LAMA4: variants seen among roughly 807,000 people sequenced by gnomAD.
The protein encoded by LAMA4 is laminin subunit alpha 4.
Under a neutral mutation model 207.1 loss-of-function variants are expected in LAMA4, and 127 were observed. The observed-to-expected ratio is 0.61, with a 90% CI of 0.53 to 0.71. The LOEUF (loss-of-function observed/expected upper bound fraction) is 0.71, where lower values mean the gene tolerates loss of function less well. Ranked by LOEUF, LAMA4 falls within the 30% of genes least tolerant of loss-of-function variation. The probability of loss-of-function intolerance (pLI) is 0.00; values close to 1 mark genes in which losing one functional copy is unlikely to be tolerated. For synonymous variants in LAMA4, 761 were observed against 816.0 expected, an observed-to-expected ratio of 0.93 and a Z score of 1.15; for missense variants, 2,093 against 2,246.5, an observed-to-expected ratio of 0.93 and a Z score of 1.38.
At position 112,115,959 on chromosome 6, in the gene LAMA4, A is replaced by T. The variant is rs148517180; in HGVS notation, c.5016T>A (p.Ile1672=). The T allele has an allele frequency of 3.9e-4, 627 of 1,613,458 alleles. 2 individuals are homozygous for T. In the African/African-American group the frequency reaches 7.4e-3, roughly 19 times the overall value. ...TGCTTCTGGGACGGACTTCAAATGC[A>T]ATTTCAAACTTCAATCCAATATTGA... ...ESFNIGLKFE[I]AFEVRPRSSS... Residue 1672 remains isoleucine, a synonymous_variant, in exon 36 of 39, where the codon ATT becomes ATA. Transcript: ENST00000230538.
At chr6:112,141,110 A>G (rs1303684870) in intron 21 of LAMA4, among the ~76,000 whole-genome samples, 188 bp from the exon 22 acceptor site, 2 of 152,236 alleles carry the variant, frequency 1.3e-5, no homozygotes, top group Non-Finnish European at 2.9e-5. Flanking sequence ...TCATGGATTG[A>G]CCAGGTAAAA....
intron 36 of LAMA4, among the ~76,000 whole-genome samples, chr6:112,115,317 TGTTAA>T (rs1554323251): frequency 7.3e-6 from 1 of 137,890 alleles, no homozygotes; most frequent in Non-Finnish European, 1.5e-5. Flanking sequence ...AAATCTGTTA[TGTTAA>T]GTTAGCAGCA....
Position 112,139,241 on chromosome 6 carries a change from C to G in LAMA4, c.3161G>C (p.Gly1054Ala). 6.2e-7 allele frequency: 1 copy of G among 1,614,172 alleles called. No individual in the cohort carries two copies. The highest frequency in any genetic ancestry group is 1.1e-5 in the South Asian group (1 of 91,084). The change falls in exon 24 of 39, where the codon GGC (glycine) becomes GCC (alanine). Residue 1054 changes from glycine (G) to alanine (A), a missense_variant. Coordinates refer to ENST00000230538, the MANE Select transcript of LAMA4 (RefSeq NM_001105206.3). ...QSRAASYFFDGSGYAVVRDIT... is the reference protein window; with the variant it reads ...QSRAASYFFDASGYAVVRDIT... ...GTCTCTCACCACGGCATAACCGGAG[C>G]CATCGAAGAAGTAACTGGCAGCCCG...
intron 10 of LAMA4, among the ~76,000 whole-genome samples, chr6:112,175,902 G>A (rs1781997870): frequency 6.6e-6 from 1 of 152,168 alleles, no homozygotes; most frequent in South Asian, 2.1e-4. Flanking sequence ...AAAATGCTCA[G>A]AGATCACTCC....
intron 14 of LAMA4, among the ~76,000 whole-genome samples, chr6:112,157,180 G>A (rs1780769310): frequency 6.6e-6 from 1 of 151,974 alleles, no homozygotes; most frequent in Non-Finnish European, 1.5e-5. Context: ...TCTGGGGAAG[G>A]CAGACAAGAA....
intron 10 of LAMA4, 140 bp downstream of exon 10, chr6:112,177,981 A>G: frequency 2.9e-6 from 2 of 682,004 alleles, no homozygotes; most frequent in Non-Finnish European, 5.3e-6. Flanking sequence ...TGAAGACCTT[A>G]TACAAGTTTA....
intron 13 of LAMA4, chr6:112,162,145 AG>A (rs1781090360): frequency 6.6e-6 from 1 of 152,312 alleles, no homozygotes; most frequent in Non-Finnish European, 1.5e-5. Context: ...TGGACCAAAG[AG>A]CAGCAGTAGA....
At chr6:112,132,661 A>G in intron 28 of LAMA4, 92 bp downstream of exon 28, 1 of 1,225,998 alleles carries the variant, frequency 8.2e-7, no homozygotes, top group Non-Finnish European at 1.2e-6. Flanking sequence ...TAATCTGAAT[A>G]GAAAATCACT....
At chr6:112,138,697 T>C (rs1407157938) in intron 24 of LAMA4, among the ~76,000 whole-genome samples, 1 of 152,182 alleles carries the variant, frequency 6.6e-6, no homozygotes, top group Non-Finnish European at 1.5e-5. Flanking sequence ...ACATGTATCA[T>C]TTATAAACAA....
intron 22 of LAMA4, among the ~76,000 whole-genome samples, chr6:112,140,123 G>A (rs1175243276): frequency 2.6e-5 from 4 of 152,210 alleles, no homozygotes; most frequent in African/African-American, 9.6e-5. Flanking sequence ...GTCATAGGCT[G>A]TACAGTGAAT....
chr6:112,127,547 T>C (rs1051678259), intron 31 of LAMA4, among the ~76,000 whole-genome samples: 1 of 152,002 alleles, frequency 6.6e-6, no homozygotes, highest in Admixed American at 6.6e-5. Context: ...TAGGAGGAGA[T>C]GAACTCAGGG....
At chr6:112,216,021 C>T (rs965276727) in intron 3 of LAMA4, among the ~76,000 whole-genome samples, 1 of 152,208 alleles carries the variant, frequency 6.6e-6, no homozygotes, top group Non-Finnish European at 1.5e-5. Flanking sequence ...CGAAGCCAAA[C>T]ATATGGCAAA....
At chr6:112,233,589 A>C (rs1435943048) in intron 2 of LAMA4, among the ~76,000 whole-genome samples, 1 of 152,218 alleles carries the variant, frequency 6.6e-6, no homozygotes, top group Non-Finnish European at 1.5e-5. Flanking sequence ...GAAGAGCAAG[A>C]GATTACTTTT....
chr6:112,164,347 T>C (rs568310554), intron 13 of LAMA4, among the ~76,000 whole-genome samples: 22 of 151,994 alleles, frequency 1.4e-4, no homozygotes, highest in Admixed American at 3.9e-4. Flanking sequence ...AGATAGGAGA[T>C]GGTGCTCTGG....
intron 19 of LAMA4, among the ~76,000 whole-genome samples, chr6:112,143,765 G>A (rs966521263): frequency 6.6e-6 from 1 of 150,436 alleles, no homozygotes; most frequent in Non-Finnish European, 1.5e-5. Context: ...GGTGATTAAG[G>A]TCCCAAAGTC....
intron 5 of LAMA4, among the ~76,000 whole-genome samples, chr6:112,198,350 T>A (rs1382542489): frequency 3.3e-5 from 5 of 152,196 alleles, no homozygotes; most frequent in Non-Finnish European, 7.3e-5. Context: ...ATTACCTTTG[T>A]TTAAAACAGA....
At chr6:112,227,175 A>G (rs1251465585) in intron 2 of LAMA4, among the ~76,000 whole-genome samples, 5 of 152,044 alleles carry the variant, frequency 3.3e-5, no homozygotes, top group Admixed American at 6.6e-5. Context: ...AGATTCAAGC[A>G]ATTGTCTGTC....
intron 2 of LAMA4, among the ~76,000 whole-genome samples, chr6:112,224,019 T>C (rs541055725): frequency 4.6e-4 from 70 of 152,308 alleles, no homozygotes; most frequent in African/African-American, 1.6e-3. Flanking sequence ...CTTTTCACTA[T>C]AGGAAAGAGA....
rs111587919 is a variant in LAMA4, at chr6:112,142,242, C to T, written c.2544G>A (p.Ser848=). Residue 848 remains serine, a synonymous_variant, in exon 20 of 39, where the codon TCG becomes TCA. Coordinates refer to ENST00000230538, the MANE Select transcript of LAMA4 (RefSeq NM_001105206.3). ...FDGQSAVEVH[S]RTSMDDLKAF... ...CCTTTAAGTCATCCATACTGGTTCTCGAGTGCACTTCCACAGCTGACTGGC... is the reference window on the plus strand; with the variant it reads ...CCTTTAAGTCATCCATACTGGTTCTTGAGTGCACTTCCACAGCTGACTGGC... The T allele has an allele frequency of 2.3e-5, 37 of 1,614,056 alleles. No individual in the cohort carries two copies. Among genetic ancestry groups the T allele is most frequent in the Middle Eastern group, 1.6e-4 (1 of 6,062 alleles).
Sources: gnomAD v4.1 joint callset for allele counts (sites outside exome capture counted in the v4.1 genomes callset) on GRCh38, gnomAD v4.1.1 for gene constraint, MANE v1.5 for transcripts, NCBI Gene and HGNC (gene_info 2026-07-23, HGNC 2026-07-21) for gene names.